The following TCF25 variants were observed in gnomAD, a reference collection of about 807,000 sequenced individuals.
The protein encoded by TCF25 is TCF25 ribosome quality control complex subunit, also known as ribosome quality control complex subunit TCF25.
TCF25 carries 41 observed loss-of-function variants against 83.1 expected under a neutral mutation model. That is an observed-to-expected ratio of 0.49 (90% CI 0.38 to 0.64). TCF25 has a LOEUF of 0.64. Among genes scored for constraint, TCF25 ranks in the 30% least tolerant of loss-of-function variants. TCF25 has a pLI of 0.00. For synonymous variants in TCF25, 458 were observed against 365.0 expected (o/e 1.25, Z -2.90); for missense variants, 979 against 914.5 (o/e 1.07, Z -0.91).
At position 89,873,827 on chromosome 16, in the gene TCF25, G is replaced by A; in HGVS notation, c.160G>A (p.Glu54Lys). Reference sequence around the variant, plus strand: ...CCGGCGTCCCGGGGGCGCAGGGAAGGAGGGCGTCCGAGTCAACAACCGCTT... The same window carrying A: ...CCGGCGTCCCGGGGGCGCAGGGAAGAAGGGCGTCCGAGTCAACAACCGCTT... ...GVRRPGGAGK[E>K]GVRVNNRFEL... The change falls in exon 1 of 18, where the codon GAG becomes AAG. Residue 54 changes from glutamate (E) to lysine (K), a missense_variant. Transcript: ENST00000263346. 2 of 1,579,536 alleles carry A rather than the reference G, an allele frequency of 1.3e-6. No individual in the cohort carries two copies. Among genetic ancestry groups the A allele is most frequent in the Non-Finnish European group, 1.7e-6 (2 of 1,165,360 alleles).
At position 89,884,672 on chromosome 16, in the gene TCF25, C is replaced by A; in HGVS notation, c.429+16C>A. The A allele has an allele frequency of 6.2e-7, 1 of 1,609,488 alleles. No homozygotes were observed. Among genetic ancestry groups the A allele is most frequent in the Non-Finnish European group, 8.5e-7 (1 of 1,177,552 alleles). On this transcript the variant is annotated intron_variant, in intron 3 of 17. Transcript: ENST00000263346. ...AGAAGCATCGGTACGTGAGTTGGGC[C>A]TGGCTGTGCTCTGTCCCTCTGCCTG...
intron 1 of TCF25, among the ~76,000 whole-genome samples, chr16:89,877,190 G>A (rs1156442799): frequency 2.6e-5 from 4 of 152,146 alleles, no homozygotes; most frequent in South Asian, 2.1e-4. Context: ...AGTTTTTGCT[G>A]TGTGTGGGTG....
intron 16 of TCF25, 137 bp from the exon 17 acceptor site, chr16:89,910,454 G>C (rs1423329356): frequency 1.2e-6 from 1 of 805,286 alleles, no homozygotes; most frequent in African/African-American, 1.7e-5. Context: ...CCTGTGCTCA[G>C]CTGCTGCTGC....
intron 12 of TCF25, 152 bp from the exon 13 acceptor site, chr16:89,903,966 A>G: frequency 1.4e-6 from 1 of 737,072 alleles, no homozygotes; most frequent in Non-Finnish European, 2.2e-6. Flanking sequence ...TCAGAATACC[A>G]CCCGGAAGCA....
At chr16:89,887,825 A>G in intron 5 of TCF25, 108 bp downstream of exon 5, 1 of 1,041,552 alleles carries the variant, frequency 9.6e-7, no homozygotes, top group Non-Finnish European at 1.4e-6. Flanking sequence ...AGAGTATTTA[A>G]AGCCAGAGTG....
At position 89,892,358 on chromosome 16, in the gene TCF25, G is replaced by C. The variant is rs545674878; in HGVS notation, c.697+83G>C. 2.0e-3 allele frequency: 3,052 copies of C among 1,501,298 alleles called. 1 individual carries two copies. Among genetic ancestry groups the C allele is most frequent in the Non-Finnish European group, 2.5e-3 (2,815 of 1,110,702 alleles). 93.0% of individuals were successfully genotyped at this position (1,501,298 alleles called of 1,614,324 possible). A position where few individuals can be genotyped will look rare whatever the true frequency, so the allele number is the denominator to read the frequency against. ...GGCCCCGGTACAGCAAACCAGGTGAGGGTCTGCAGAGGCTGCTGGGGGTGG... is the reference window on the plus strand; with the variant it reads ...GGCCCCGGTACAGCAAACCAGGTGACGGTCTGCAGAGGCTGCTGGGGGTGG... On this transcript the variant is annotated intron_variant, in intron 6 of 17. Transcript: ENST00000263346.
intron 5 of TCF25, among the ~76,000 whole-genome samples, chr16:89,888,840 ATTTTTTTTTT>A (rs34444102): frequency 1.8e-5 from 2 of 109,902 alleles, no homozygotes; most frequent in South Asian, 6.1e-4. Flanking sequence ...CGCCCAGCTA[ATTTTTTTTTT>A]TTTTTTTTTT....
intron 1 of TCF25, among the ~76,000 whole-genome samples, chr16:89,882,191 A>G (rs923584248): frequency 6.6e-6 from 1 of 152,192 alleles, no homozygotes; most frequent in Admixed American, 6.5e-5. Flanking sequence ...AGATTCATCC[A>G]TATTGTGTGT....
chr16:89,878,906 G>A (rs2042388319), intron 1 of TCF25, among the ~76,000 whole-genome samples: 1 of 152,256 alleles, frequency 6.6e-6, no homozygotes, highest in Admixed American at 6.5e-5. Flanking sequence ...CTCCCAAAGT[G>A]CTGGGATTAC....
intron 3 of TCF25, 135 bp from the exon 4 acceptor site, chr16:89,885,713 G>A: frequency 1.4e-6 from 1 of 726,174 alleles, no homozygotes. Flanking sequence ...ATGGTACATA[G>A]TGTTTGACTT....
intron 5 of TCF25, chr16:89,889,375 C>T (rs1011290982): frequency 1.4e-5 from 4 of 277,424 alleles, no homozygotes; most frequent in African/African-American, 2.3e-5. Context: ...CAAGGTCTTA[C>T]TTTGTTGCCC....
At chr16:89,904,034 C>T (rs1313695291) in intron 12 of TCF25, 84 bp from the exon 13 acceptor site, 14 of 1,365,276 alleles carry the variant, frequency 1.0e-5, no homozygotes, top group African/African-American at 5.8e-5. Context: ...ACAAGGACCT[C>T]GCTGTGTCCC....
intron 2 of TCF25, among the ~76,000 whole-genome samples, chr16:89,884,245 G>T (rs1051885617): frequency 6.6e-6 from 1 of 152,152 alleles, no homozygotes; most frequent in Non-Finnish European, 1.5e-5. Flanking sequence ...GGTGTGAGGC[G>T]GCCAGGGCAC....
intron 5 of TCF25, among the ~76,000 whole-genome samples, chr16:89,891,973 A>G (rs1308198446): frequency 6.6e-6 from 1 of 151,914 alleles, no homozygotes; most frequent in Non-Finnish European, 1.5e-5. Flanking sequence ...CCCAGCCAGA[A>G]TTGTTTCTTT....
rs375413948 is a variant in TCF25 at position 89,906,180 on chromosome 16, C to G, written c.1629-14C>G. On this transcript the variant is annotated splice_polypyrimidine_tract_variant and intron_variant, in intron 14 of 17. Transcript: ENST00000263346. ...GTGCTTTATCTGCTGTGCCTTGTTT[C>G]TCCCCGGCCCTAGGCGGAAGGTGCT... 16 of 1,611,456 alleles carry G rather than the reference C, an allele frequency of 9.9e-6. No homozygotes were observed. Among genetic ancestry groups the G allele is most frequent in the Non-Finnish European group, 1.4e-5 (16 of 1,178,992 alleles).
chr16:89,879,315 C>T (rs62056105), intron 1 of TCF25, among the ~76,000 whole-genome samples: 22,659 of 129,620 alleles, frequency 0.17, 4,105 homozygotes, highest in African/African-American at 0.44. Flanking sequence ...GAGCCTGTCA[C>T]ACGTGCTGTT....
rs757608034 is a variant in TCF25, at chr16:89,883,341, G to A, written c.193-10G>A. 6.2e-7 allele frequency: 1 copy of A among 1,612,352 alleles called. No individual in the cohort carries two copies. Among genetic ancestry groups the A allele is most frequent in the African/African-American group, 1.3e-5 (1 of 74,908 alleles). ...TAACGCCCTGGCTCTTCTCCAACCT[G>A]TTTTTCCAGATAAACATTGACGATC... On this transcript the variant is annotated splice_polypyrimidine_tract_variant and intron_variant, in intron 1 of 17. Transcript: ENST00000263346.
At position 89,883,470 on chromosome 16, in the gene TCF25, C is replaced by G; in HGVS notation, c.312C>G (p.Ser104Arg). ...KGRGQRGNTE[S>R]KTDGDDTETV... is the part of the protein sequence containing the mutation. ...GGGGTCAGCGTGGAAACACAGAGAG[C>G]AAGACGGATGGAGATGACACCGAGA... The change falls in exon 2 of 18, where the codon AGC becomes AGG. Residue 104 changes from serine (S) to arginine (R), a missense_variant. Physicochemically the swap from Ser to Arg is moderately radical, Grantham distance 110. Coordinates refer to ENST00000263346, the MANE Select transcript of TCF25 (RefSeq NM_014972.3). 1.2e-6 allele frequency: 2 copies of G among 1,613,406 alleles called. No individual in the cohort carries two copies. The highest frequency in any genetic ancestry group is 1.1e-5 in the South Asian group (1 of 90,976).
intron 12 of TCF25, chr16:89,900,998 C>G (rs570029022): frequency 1.9e-6 from 1 of 533,198 alleles, no homozygotes; most frequent in Admixed American, 3.2e-5. Flanking sequence ...AAGCCAGGCA[C>G]GAGGAGGTGG....
Sources: allele counts gnomAD v4.1 joint callset (sites outside exome capture counted in the v4.1 genomes callset), GRCh38; gene constraint gnomAD v4.1.1; transcripts MANE v1.5; gene names NCBI Gene and HGNC (gene_info 2026-07-23, HGNC 2026-07-21).